USP32: variants seen among roughly 807,000 people sequenced by gnomAD.
USP32 encodes the protein ubiquitin carboxyl-terminal hydrolase 32.
A neutral mutation model predicts 204.8 loss-of-function variants in USP32; 59 were observed. The ratio of observed to expected loss-of-function variants is 0.29; its 90% CI spans 0.23 to 0.36. USP32 has a LOEUF of 0.36. Ranked by LOEUF, USP32 falls within the 10% of genes least tolerant of loss-of-function variation. The pLI is 1.00. For missense variants in USP32, 1,160 were observed against 1,946.4 expected (o/e 0.60, Z 7.60); for synonymous variants, 517 against 678.4 (o/e 0.76, Z 3.70).
intron 1 of USP32, among the ~76,000 whole-genome samples, chr17:60,391,392 G>A (rs1023106905): frequency 5.3e-5 from 8 of 152,184 alleles, no homozygotes; most frequent in African/African-American, 1.9e-4. Flanking sequence ...GAAAAGGCAG[G>A]GACTCCCCAG....
intron 11 of USP32, among the ~76,000 whole-genome samples, chr17:60,238,027 A>G (rs979078924): frequency 2.0e-5 from 3 of 152,200 alleles, no homozygotes; most frequent in African/African-American, 7.2e-5. Context: ...TTACATTTCT[A>G]CCAGCAATAT....
intron 9 of USP32, among the ~76,000 whole-genome samples, chr17:60,264,145 G>A (rs950890102): frequency 2.6e-5 from 4 of 151,792 alleles, no homozygotes; most frequent in African/African-American, 9.7e-5. Flanking sequence ...AATTTATAAA[G>A]TACATGTTTA....
At chr17:60,322,040 G>C (rs2088124611) in intron 2 of USP32, among the ~76,000 whole-genome samples, 1 of 151,970 alleles carries the variant, frequency 6.6e-6, no homozygotes, top group African/African-American at 2.4e-5. Context: ...GTCTTTATGA[G>C]ACAGAGAAAA....
At chr17:60,334,641 G>A (rs986186651) in intron 2 of USP32, among the ~76,000 whole-genome samples, 2 of 142,934 alleles carry the variant, frequency 1.4e-5, no homozygotes, top group African/African-American at 6.0e-5. Flanking sequence ...GCAGTGAGCC[G>A]AGATCGCGCC....
intron 7 of USP32, among the ~76,000 whole-genome samples, chr17:60,267,353 A>C (rs1312866575): frequency 6.6e-6 from 1 of 151,838 alleles, no homozygotes; most frequent in African/African-American, 2.4e-5. Flanking sequence ...GCAGTGATCC[A>C]AGATCGTGCC....
upstream of USP32, among the ~76,000 whole-genome samples, chr17:60,393,066 C>G (rs2089867500): frequency 6.6e-6 from 1 of 152,134 alleles, no homozygotes; most frequent in South Asian, 2.1e-4. Context: ...CGTCCCATTT[C>G]CCACCGTTTT....
chr17:60,218,828 C>T (rs1168062205), intron 16 of USP32, among the ~76,000 whole-genome samples: 6 of 152,162 alleles, frequency 3.9e-5, no homozygotes. Context: ...CTCCTGACCT[C>T]AAGTAATCTG....
intron 1 of USP32, among the ~76,000 whole-genome samples, chr17:60,375,640 G>A (rs2089525847): frequency 6.6e-6 from 1 of 152,298 alleles, no homozygotes; most frequent in South Asian, 2.1e-4. Context: ...GTCTCGCTCT[G>A]TCGCTCAGGC....
chr17:60,283,664 A>G lies in USP32; in HGVS notation c.571+4859T>C, dbSNP rs1417447270. ...GGATATAAAACACAGAAGGAAGAAC[A>G]AGTTTGCCTTTTTTTTTTTTTAATA... On this transcript the variant is annotated intron_variant, in intron 5 of 33. Coordinates refer to ENST00000300896, the MANE Select transcript of USP32 (RefSeq NM_032582.4). Among the ~76,000 whole-genome samples the G allele has an allele frequency of 7.2e-5, 11 of 151,940 alleles. No individual in the cohort carries two copies. The East Asian group carries it at 2.1e-3, about 29-fold the overall frequency.
intron 2 of USP32, among the ~76,000 whole-genome samples, chr17:60,319,994 C>T (rs1002523886): frequency 6.6e-6 from 1 of 152,068 alleles, no homozygotes; most frequent in Non-Finnish European, 1.5e-5. Flanking sequence ...CCAACAGACA[C>T]CAAGGATGAC....
intron 1 of USP32, among the ~76,000 whole-genome samples, chr17:60,365,259 T>C (rs1389116116): frequency 6.6e-6 from 1 of 152,032 alleles, no homozygotes; most frequent in Non-Finnish European, 1.5e-5. Flanking sequence ...GGCGGGTGGA[T>C]CATGAGGTTA....
chr17:60,187,177 A>C (rs2084272021), intron 29 of USP32, among the ~76,000 whole-genome samples: 1 of 152,216 alleles, frequency 6.6e-6, no homozygotes, highest in Non-Finnish European at 1.5e-5. Context: ...ATGGGTTTTC[A>C]GGTGAGACTT....
intron 9 of USP32, among the ~76,000 whole-genome samples, chr17:60,257,761 C>G (rs149108882): frequency 7.2e-4 from 109 of 151,958 alleles, no homozygotes; most frequent in African/African-American, 2.5e-3. Flanking sequence ...TGGGGTTACA[C>G]AGGTGAGAGC....
chr17:60,329,146 CAAAAG>C (rs895862286), intron 2 of USP32, among the ~76,000 whole-genome samples: 1 of 151,772 alleles, frequency 6.6e-6, no homozygotes, highest in African/African-American at 2.4e-5. Context: ...ATTAATATAA[CAAAAG>C]AAAAAGGAAA....
chr17:60,354,933 A>G (rs1377582835), intron 1 of USP32, among the ~76,000 whole-genome samples: 2 of 152,150 alleles, frequency 1.3e-5, no homozygotes, highest in Admixed American at 6.5e-5. Context: ...AGTCCCAGCT[A>G]CTCAGGAGAC....
rs540003297 is a variant in USP32, at chr17:60,299,142, C to T, written c.292+2457G>A. Among the ~76,000 whole-genome samples, 60 of 152,142 alleles carry T rather than the reference C, an allele frequency of 3.9e-4. No homozygotes were observed. The South Asian group carries it at 0.012, about 31-fold the overall frequency. On this transcript the variant is annotated intron_variant, in intron 3 of 33. Transcript: ENST00000300896. Reference sequence around the variant, plus strand: ...CAGAGTAAGGCTCTCTCCTCTGTCCCCTATCCCCTCCAAAAACAAAAACAA... The same window carrying T: ...CAGAGTAAGGCTCTCTCCTCTGTCCTCTATCCCCTCCAAAAACAAAAACAA...
At chr17:60,197,820 G>GA (rs1300293397) in intron 27 of USP32, among the ~76,000 whole-genome samples, 1 of 152,092 alleles carries the variant, frequency 6.6e-6, no homozygotes, top group Non-Finnish European at 1.5e-5. Flanking sequence ...AAGGGAAAAA[G>GA]AAAAAAGAAT....
At chr17:60,303,257 A>G (rs941205068) in intron 2 of USP32, among the ~76,000 whole-genome samples, 2 of 152,156 alleles carry the variant, frequency 1.3e-5, no homozygotes, top group Admixed American at 6.5e-5. Context: ...AGAAAATAAC[A>G]GGGAAAAACA....
In USP32 at chr17:60,364,202, A is replaced by G. The variant is rs182643831; in HGVS notation, c.59-18594T>C. Among the ~76,000 whole-genome samples the G allele has an allele frequency of 1.4e-3, 216 of 152,252 alleles. 1 individual carries two copies. Among genetic ancestry groups the G allele is most frequent in the Non-Finnish European group, 1.7e-3 (119 of 68,012 alleles). On this transcript the variant is annotated intron_variant, in intron 1 of 33. Transcript: ENST00000300896. Reference sequence around the variant, plus strand: ...CAAGTTCTCTCAGGCCTCTTTTAGAAGGGCACTAATCCCATTCATGAGGGC... The same window carrying G: ...CAAGTTCTCTCAGGCCTCTTTTAGAGGGGCACTAATCCCATTCATGAGGGC...
Sources: gnomAD v4.1 joint callset for allele counts (sites outside exome capture counted in the v4.1 genomes callset) on GRCh38, gnomAD v4.1.1 for gene constraint, MANE v1.5 for transcripts, NCBI Gene and HGNC (gene_info 2026-07-23, HGNC 2026-07-21) for gene names.